Variants in DCT observed in about 807,000 individuals in gnomAD.
DCT encodes dopachrome tautomerase, also known as L-dopachrome tautomerase.
In DCT, 47 loss-of-function variants were observed where a neutral mutation model predicts 53.0. The observed-to-expected ratio is 0.89, with a 90% CI of 0.70 to 1.13. DCT has a LOEUF of 1.13. DCT is among the 50% of genes most tolerant of loss of function. DCT has a pLI of 0.00. For missense variants in DCT, 669 were observed against 637.4 expected, an observed-to-expected ratio of 1.05 and a Z score of -0.53; for synonymous variants, 244 against 237.0, an observed-to-expected ratio of 1.03 and a Z score of -0.27.
intron 1 of DCT, among the ~76,000 whole-genome samples, chr13:94,478,464 G>A (rs895398406): frequency 1.3e-5 from 2 of 152,196 alleles, no homozygotes; most frequent in African/African-American, 4.8e-5. Context: ...GTGACAAAGC[G>A]AGACTCCATC....
chr13:94,548,852 G>A, the DCT span, among the ~76,000 whole-genome samples: 2 of 152,218 alleles, frequency 1.3e-5, no homozygotes, highest in East Asian at 3.8e-4. Flanking sequence ...TTTAGAAACA[G>A]AAAGGAACGT....
At chr13:94,461,886 C>G (rs1883813870) in intron 5 of DCT, 124 bp downstream of exon 5, 2 of 735,076 alleles carry the variant, frequency 2.7e-6, no homozygotes, top group South Asian at 2.0e-5. Flanking sequence ...TCTCGTTAGG[C>G]CTCTCTCCAT....
chr13:94,547,243 A>T, the DCT span, among the ~76,000 whole-genome samples: 1 of 151,814 alleles, frequency 6.6e-6, no homozygotes, highest in Non-Finnish European at 1.5e-5. Context: ...CAGCCTCCCG[A>T]GTAGCTGGGA....
the DCT span, among the ~76,000 whole-genome samples, chr13:94,504,981 ACGGCACTT>A: frequency 6.6e-6 from 1 of 151,928 alleles, no homozygotes; most frequent in African/African-American, 2.4e-5. Flanking sequence ...CAGAACGGAG[ACGGCACTT>A]CATTTGTCTT....
At chr13:94,534,794 C>T in the DCT span, among the ~76,000 whole-genome samples, 1 of 152,226 alleles carries the variant, frequency 6.6e-6, no homozygotes, top group South Asian at 2.1e-4. Flanking sequence ...AACTTAAACA[C>T]TCTTGTTTGA....
At chr13:94,529,561 A>G in the DCT span, among the ~76,000 whole-genome samples, 3 of 152,238 alleles carry the variant, frequency 2.0e-5, no homozygotes, top group Non-Finnish European at 4.4e-5. Context: ...AACGAAATGA[A>G]GGCAAAAATA....
the DCT span, among the ~76,000 whole-genome samples, chr13:94,538,467 T>C: frequency 1.3e-5 from 2 of 152,098 alleles, no homozygotes; most frequent in Non-Finnish European, 2.9e-5. Context: ...TGTATACACA[T>C]AGCCCCAATA....
At chr13:94,455,903 G>C (rs1276688288) in intron 6 of DCT, among the ~76,000 whole-genome samples, 2 of 152,196 alleles carry the variant, frequency 1.3e-5, no homozygotes, top group African/African-American at 2.4e-5. Flanking sequence ...AATATGAATT[G>C]TGTGTATAAA....
chr13:94,439,627 G>C lies in DCT; in HGVS notation c.*271C>G, dbSNP rs1882129694. The C allele has an allele frequency of 5.1e-6, 1 of 194,818 alleles. No individual in the cohort carries two copies. Among genetic ancestry groups the C allele is most frequent in the Non-Finnish European group, 9.3e-6 (1 of 107,396 alleles). 12.1% of individuals were successfully genotyped at this position (194,818 alleles called of 1,614,324 possible). On this transcript the variant is annotated 3_prime_UTR_variant, in exon 8 of 8. Transcript: ENST00000377028. ...AAAGGAGGAGGCTTAATCAATATTGGGGGGGGGGTTATTATTAGATATCAC... is the reference window on the plus strand; with the variant it reads ...AAAGGAGGAGGCTTAATCAATATTGCGGGGGGGGTTATTATTAGATATCAC...
chr13:94,527,437 G>C, the DCT span, among the ~76,000 whole-genome samples: 1 of 152,150 alleles, frequency 6.6e-6, no homozygotes, highest in Non-Finnish European at 1.5e-5. Context: ...CCAGAGGAAG[G>C]ATCAGGCAGC....
the DCT span, among the ~76,000 whole-genome samples, chr13:94,545,428 T>C: frequency 6.6e-6 from 1 of 152,138 alleles, no homozygotes; most frequent in African/African-American, 2.4e-5. Flanking sequence ...CAATAACTTT[T>C]ATAATAATTA....
chr13:94,537,026 C>T, the DCT span, among the ~76,000 whole-genome samples: 2 of 152,222 alleles, frequency 1.3e-5, no homozygotes, highest in East Asian at 3.8e-4. Flanking sequence ...CCTGCAGAAC[C>T]ATGAACCAAA....
At chr13:94,490,824 G>C in the DCT span, among the ~76,000 whole-genome samples, 1 of 152,156 alleles carries the variant, frequency 6.6e-6, no homozygotes, top group Non-Finnish European at 1.5e-5. Flanking sequence ...TAGAAAACAA[G>C]ATAATTTCAT....
chr13:94,456,166 A>C (rs987936320), intron 6 of DCT, among the ~76,000 whole-genome samples: 1 of 152,248 alleles, frequency 6.6e-6, no homozygotes, highest in African/African-American at 2.4e-5. Context: ...GGGACCATTA[A>C]TTCAGACTTC....
the DCT span, among the ~76,000 whole-genome samples, chr13:94,505,137 A>G: frequency 1.3e-5 from 2 of 150,912 alleles, no homozygotes; most frequent in African/African-American, 4.9e-5. Flanking sequence ...TCACAGAAAT[A>G]CTCTTTGTTA....
At chr13:94,474,879 T>A (rs531543434) in intron 1 of DCT, among the ~76,000 whole-genome samples, 1 of 152,342 alleles carries the variant, frequency 6.6e-6, no homozygotes, top group East Asian at 1.9e-4. Context: ...TTCATGATTA[T>A]GGAAACTATG....
chr13:94,512,331 C>T, the DCT span, among the ~76,000 whole-genome samples: 2 of 152,092 alleles, frequency 1.3e-5, no homozygotes, highest in East Asian at 3.9e-4. Context: ...ACAAGACACA[C>T]TAAGAAGCAG....
chr13:94,494,136 C>T, the DCT span, among the ~76,000 whole-genome samples: 1 of 152,194 alleles, frequency 6.6e-6, no homozygotes, highest in Admixed American at 6.5e-5. Flanking sequence ...ATTAAGCCCA[C>T]TCATGGCTCC....
At chr13:94,549,224 A>G in the DCT span, among the ~76,000 whole-genome samples, 8 of 152,362 alleles carry the variant, frequency 5.3e-5, no homozygotes, top group East Asian at 1.5e-3. Flanking sequence ...TTTTTCTTCA[A>G]ATTCGGATAC....
Sources: gnomAD v4.1 joint callset for allele counts (sites outside exome capture counted in the v4.1 genomes callset) on GRCh38, gnomAD v4.1.1 for gene constraint, MANE v1.5 for transcripts, NCBI Gene and HGNC (gene_info 2026-07-23, HGNC 2026-07-21) for gene names.